Variants in ILF2 observed in about 807,000 individuals in gnomAD.
The protein encoded by ILF2 is interleukin enhancer-binding factor 2.
Under a neutral mutation model 55.3 loss-of-function variants are expected in ILF2, and 9 were observed. The observed-to-expected ratio is 0.16, with a 90% CI of 0.10 to 0.28. ILF2 has a LOEUF of 0.28. Among genes scored for constraint, ILF2 ranks in the 10% least tolerant of loss-of-function variants. The pLI is 1.00. For synonymous variants in ILF2, 151 were observed against 161.8 expected (o/e 0.93, Z 0.50); for missense variants, 266 against 474.9 (o/e 0.56, Z 4.09).
chr1:153,663,959 CTA>C (rs1228288745), intron 10 of ILF2, 82 bp downstream of exon 10: 5 of 116,290 alleles, frequency 4.3e-5, no homozygotes, highest in African/African-American at 4.3e-4. Context: ...TTCAGAGTTA[CTA>C]CTACTACTAC....
chr1:153,663,689 G>A (rs1557951445), intron 10 of ILF2, among the ~76,000 whole-genome samples: 1 of 151,228 alleles, frequency 6.6e-6, no homozygotes, highest in Non-Finnish European at 1.5e-5. Flanking sequence ...TTCATGTTCA[G>A]AAGCAATTCT....
At chr1:153,669,382 G>A (rs1669388884) in intron 3 of ILF2, among the ~76,000 whole-genome samples, 1 of 152,130 alleles carries the variant, frequency 6.6e-6, no homozygotes, top group Admixed American at 6.5e-5. Flanking sequence ...AGTAGCCAAG[G>A]AATTATTCTC....
chr1:153,670,865 A>G, intron 1 of ILF2, 53 bp downstream of exon 1: 6 of 1,612,118 alleles, frequency 3.7e-6, no homozygotes, highest in Non-Finnish European at 5.1e-6. Flanking sequence ...GCCCACGTTC[A>G]CAAAGTTTTC....
At chr1:153,669,777 T>C (rs1669398108) in intron 3 of ILF2, 59 bp downstream of exon 3, 2 of 1,338,292 alleles carry the variant, frequency 1.5e-6, no homozygotes, top group South Asian at 2.3e-5. Context: ...AACTGGGAGA[T>C]ACTGGGCTCC....
chr1:153,662,351 G>A lies in ILF2; in HGVS notation c.*45C>T. The A allele has an allele frequency of 6.2e-7, 1 of 1,611,340 alleles. No individual in the cohort carries two copies. Among genetic ancestry groups the A allele is most frequent in the African/African-American group, 1.3e-5 (1 of 74,858 alleles). On this transcript the variant is annotated 3_prime_UTR_variant, in exon 14 of 14. Coordinates refer to ENST00000361891, the MANE Select transcript of ILF2 (RefSeq NM_004515.4). ...GTAAAGCCCAGTAGCAGGCAGCTTAGGCTCCAGTCTTCCCCCTTGGGTAGG... is the reference window on the plus strand; with the variant it reads ...GTAAAGCCCAGTAGCAGGCAGCTTAAGCTCCAGTCTTCCCCCTTGGGTAGG...
chr1:153,670,352 T>TA, intron 1 of ILF2, 122 bp from the exon 2 acceptor site: 4 of 887,642 alleles, frequency 4.5e-6, no homozygotes, highest in Non-Finnish European at 7.3e-6. Context: ...CACTCACACT[T>TA]ACACTTGTCC....
In ILF2 at chr1:153,664,089, C is replaced by A; in HGVS notation, c.698G>T (p.Arg233Leu). Residue 233 changes from arginine (R) to leucine (L), a missense_variant, in exon 10 of 14, where the codon CGT (arginine) becomes CTT (leucine). Transcript: ENST00000361891. ...LIRLLKDLRI[R>L]FPGFEPLTPW... is the part of the protein sequence containing the mutation. ...TGTGAGGGGCTCAAAGCCAGGAAAA[C>A]GAATCCTCAAGTCCTTCAGTAGTCT... The A allele has an allele frequency of 6.2e-7, 1 of 1,613,556 alleles. No homozygotes were observed. The highest frequency in any genetic ancestry group is 1.1e-5 in the South Asian group (1 of 91,032).
Position 153,665,739 on chromosome 1 carries a change from GA to G in ILF2, c.395-12del. 6.3e-7 allele frequency: 1 copy of G among 1,595,642 alleles called. No homozygotes were observed. On this transcript the variant is annotated splice_polypyrimidine_tract_variant and intron_variant, in intron 6 of 13. Coordinates refer to ENST00000361891, the MANE Select transcript of ILF2 (RefSeq NM_004515.4). ...CAGCAACAGCTTCCACTAATTGACA[GA>G]AAATGACATAATGTTATAATAATTT...
In ILF2 at chr1:153,666,386, G is replaced by A. The variant is rs146095051; in HGVS notation, c.395-658C>T. ...TTTGGTAGAGACTGGGTTTTGCCAC[G>A]TTGGCCAGGCTGGTCTTGAACTCCA... is the stretch of plus-strand genomic sequence containing the variant. On this transcript the variant is annotated intron_variant, in intron 6 of 13. Coordinates refer to ENST00000361891, the MANE Select transcript of ILF2 (RefSeq NM_004515.4). Among the ~76,000 whole-genome samples, 1,158 of 152,026 alleles carry A rather than the reference G, an allele frequency of 7.6e-3. 18 individuals carry two copies. Among genetic ancestry groups the A allele is most frequent in the African/African-American group, 0.026 (1,083 of 41,444 alleles).
intron 10 of ILF2, among the ~76,000 whole-genome samples, 169 bp downstream of exon 10, chr1:153,663,874 T>C (rs1041287333): frequency 2.6e-5 from 4 of 152,034 alleles, no homozygotes; most frequent in Admixed American, 2.0e-4. Context: ...CATGTAAATG[T>C]TGAATTTTTA....
At chr1:153,670,705 C>T (rs902350492) in intron 1 of ILF2, among the ~76,000 whole-genome samples, 1 of 152,032 alleles carries the variant, frequency 6.6e-6, no homozygotes, top group African/African-American at 2.4e-5. Flanking sequence ...TCGAACCCCC[C>T]TCCCCACTCC....
intron 1 of ILF2, among the ~76,000 whole-genome samples, chr1:153,670,545 G>C (rs536098806): frequency 2.0e-4 from 31 of 152,288 alleles, no homozygotes; most frequent in African/African-American, 7.5e-4. Context: ...CATTTATCGG[G>C]CGTGTCCTAA....
In ILF2 at chr1:153,662,333, C is replaced by G. The variant is rs1229292645; in HGVS notation, c.*63G>C. On this transcript the variant is annotated 3_prime_UTR_variant, in exon 14 of 14. Transcript: ENST00000361891. ...GGAAATGTCTGTCACCATGTAAAGC[C>G]CAGTAGCAGGCAGCTTAGGCTCCAG... is the stretch of plus-strand genomic sequence containing the variant. 3 of 1,604,472 alleles carry G rather than the reference C, an allele frequency of 1.9e-6. No homozygotes were observed. Among genetic ancestry groups the G allele is most frequent in the Admixed American group, 1.7e-5 (1 of 59,148 alleles).
rs1261555228 is a variant in ILF2 at position 153,662,184 on chromosome 1, C to T, written c.*212G>A. 17 of 533,170 alleles carry T rather than the reference C, an allele frequency of 3.2e-5. No homozygotes were observed. The East Asian group carries it at 3.9e-4, about 12-fold the overall frequency. The allele number at this position is 533,170 out of a possible 1,614,324, so 33.0% of individuals were successfully genotyped here. ...GAATATTAGGAAGAAATGTTGGTAT[C>T]CTCCATTATAGATGGATGGCATAGG... is the stretch of plus-strand genomic sequence containing the variant. On this transcript the variant is annotated 3_prime_UTR_variant, in exon 14 of 14. Coordinates refer to ENST00000361891, the MANE Select transcript of ILF2 (RefSeq NM_004515.4).
intron 7 of ILF2, 155 bp from the exon 8 acceptor site, chr1:153,665,491 G>C: frequency 2.7e-6 from 2 of 752,298 alleles, no homozygotes; most frequent in Non-Finnish European, 4.7e-6. Flanking sequence ...AGATCAAACA[G>C]ATCTCCCTTG....
chr1:153,670,812 G>A, intron 1 of ILF2, 106 bp downstream of exon 1: 1 of 1,359,268 alleles, frequency 7.4e-7, no homozygotes, highest in African/African-American at 1.4e-5. Flanking sequence ...TTTTTGGCCA[G>A]CCCCCGGATA....
intron 10 of ILF2, 84 bp downstream of exon 10, chr1:153,663,959 C>T (rs1571334311): frequency 8.6e-6 from 1 of 116,282 alleles, no homozygotes; most frequent in South Asian, 1.9e-4. Flanking sequence ...TTCAGAGTTA[C>T]TACTACTACT....
chr1:153,667,904 G>T, intron 5 of ILF2, 96 bp downstream of exon 5: 2 of 890,096 alleles, frequency 2.2e-6, no homozygotes, highest in Non-Finnish European at 3.6e-6. Context: ...GCTTGGCTTT[G>T]GATAATAGAC....
In ILF2 at chr1:153,668,473, C is replaced by A; in HGVS notation, c.193G>T (p.Ala65Ser). ...CATACCTGTTCAGCAGAATTGGGAG[C>A]CAGGTCCTGATTCCTCTTCAGCAAG... ...EALLKRNQDL[A>S]PNSAEQASIL... is the part of the protein sequence containing the mutation. Residue 65 changes from alanine to serine, a missense_variant, in exon 4 of 14, where the codon GCT (alanine) becomes TCT (serine). Transcript: ENST00000361891. 1 of 1,614,134 alleles carries A rather than the reference C, an allele frequency of 6.2e-7. No individual in the cohort carries two copies. Among genetic ancestry groups the A allele is most frequent in the Non-Finnish European group, 8.5e-7 (1 of 1,180,012 alleles).
Sources: allele counts gnomAD v4.1 joint callset (sites outside exome capture counted in the v4.1 genomes callset), GRCh38; gene constraint gnomAD v4.1.1; transcripts MANE v1.5; gene names NCBI Gene and HGNC (gene_info 2026-07-23, HGNC 2026-07-21).